Variants in GALNTL6 observed in about 807,000 individuals in gnomAD.
The protein encoded by GALNTL6 is polypeptide N-acetylgalactosaminyltransferase-like 6.
In GALNTL6, 46 loss-of-function variants were observed where a neutral mutation model predicts 73.7. That is an observed-to-expected ratio of 0.62 (90% CI 0.49 to 0.80). GALNTL6 has a LOEUF of 0.80. Among genes scored for constraint, GALNTL6 ranks in the 30% least tolerant of loss-of-function variants. The pLI is 0.00. For synonymous variants in GALNTL6, 259 were observed against 263.7 expected (o/e 0.98, Z 0.17); for missense variants, 604 against 755.0 (o/e 0.80, Z 2.34).
intron 2 of GALNTL6, among the ~76,000 whole-genome samples, chr4:171,992,456 C>T (rs1740368293): frequency 6.6e-6 from 1 of 151,916 alleles, no homozygotes; most frequent in South Asian, 2.1e-4. Flanking sequence ...GGGACCAGTG[C>T]AGAACAGGTA....
intron 5 of GALNTL6, among the ~76,000 whole-genome samples, chr4:172,543,045 TGA>T (rs139178100): frequency 0.11 from 16,456 of 152,066 alleles, 1,009 homozygotes; most frequent in East Asian, 0.25. Context: ...TGCAGTGAGC[TGA>T]GATTGTGCCA....
At chr4:171,840,890 G>A (rs1735224334) in intron 2 of GALNTL6, among the ~76,000 whole-genome samples, 1 of 152,066 alleles carries the variant, frequency 6.6e-6, no homozygotes, top group Admixed American at 6.6e-5. Context: ...ACATGCTTAT[G>A]TAGAAAATTC....
At chr4:172,702,420 G>A (rs1031395942) in intron 5 of GALNTL6, among the ~76,000 whole-genome samples, 3 of 151,634 alleles carry the variant, frequency 2.0e-5, no homozygotes, top group Admixed American at 6.6e-5. Flanking sequence ...CTTCCTTAAT[G>A]CTTAAACTTT....
intron 5 of GALNTL6, among the ~76,000 whole-genome samples, chr4:172,483,863 G>A (rs930174439): frequency 1.3e-4 from 20 of 152,108 alleles, no homozygotes. Context: ...GACTAGAAAG[G>A]TGGATGAAAA....
intron 5 of GALNTL6, among the ~76,000 whole-genome samples, chr4:172,658,158 A>AAAAAAAAAAAG (rs1403908832): frequency 8.3e-6 from 1 of 120,654 alleles, no homozygotes; most frequent in Non-Finnish European, 1.7e-5. Flanking sequence ...TCAAAAAAAA[A>AAAAAAAAAAAG]AAAAAAAAAA....
chr4:172,494,879 C>A (rs1734018256), intron 5 of GALNTL6, among the ~76,000 whole-genome samples: 1 of 152,178 alleles, frequency 6.6e-6, no homozygotes. Context: ...CTGCCTTTCC[C>A]AGTCCACTGA....
chr4:172,265,834 C>T (rs1179150477), intron 3 of GALNTL6, among the ~76,000 whole-genome samples: 1 of 151,320 alleles, frequency 6.6e-6, no homozygotes, highest in Admixed American at 6.6e-5. Context: ...TCTTGTTCTC[C>T]GATAAGAGGA....
In GALNTL6 at chr4:173,030,350, G is replaced by A. The variant is rs117308586; in HGVS notation, c.1638+8725G>A. 1.4e-4 allele frequency among the ~76,000 whole-genome samples: 21 copies of A among 152,144 alleles called. No individual in the cohort carries two copies. In the East Asian group the frequency reaches 4.1e-3, roughly 29 times the overall value. ...GTCTAACCCAGCTGAAATCACTTAG[G>A]TTGTTATGACCTTCTAACTTTTGCC... is the stretch of plus-strand genomic sequence containing the variant. On this transcript the variant is annotated intron_variant, in intron 12 of 12. Coordinates refer to ENST00000506823, the MANE Select transcript of GALNTL6 (RefSeq NM_001034845.3).
At chr4:172,758,632 A>T (rs868582645) in intron 5 of GALNTL6, among the ~76,000 whole-genome samples, 9 of 152,110 alleles carry the variant, frequency 5.9e-5, no homozygotes, top group African/African-American at 1.7e-4. Context: ...TCTTTATCTC[A>T]CTTTTTGTGG....
At chr4:171,842,814 A>G (rs917259648) in intron 2 of GALNTL6, among the ~76,000 whole-genome samples, 1 of 152,084 alleles carries the variant, frequency 6.6e-6, no homozygotes, top group African/African-American at 2.4e-5. Flanking sequence ...ACATCTCAAC[A>G]TGAGATTTGG....
At chr4:172,932,901 T>C (rs1289810652) in intron 9 of GALNTL6, among the ~76,000 whole-genome samples, 1 of 152,214 alleles carries the variant, frequency 6.6e-6, no homozygotes, top group Non-Finnish European at 1.5e-5. Flanking sequence ...CAACCTGTAG[T>C]AATATTCCTG....
chr4:172,231,791 A>G (rs897418577), intron 3 of GALNTL6, among the ~76,000 whole-genome samples: 5 of 152,132 alleles, frequency 3.3e-5, no homozygotes, highest in Non-Finnish European at 4.4e-5. Flanking sequence ...TGGTATGCCT[A>G]TCCTTTGCTT....
chr4:172,722,906 A>G (rs1735569268), intron 5 of GALNTL6, among the ~76,000 whole-genome samples: 1 of 152,188 alleles, frequency 6.6e-6, no homozygotes, highest in Admixed American at 6.5e-5. Flanking sequence ...TTAAAACAGT[A>G]CAATTTTATT....
rs1410634684 is a variant in GALNTL6 at position 172,686,047 on chromosome 4, A to G, written c.554-123314A>G. On this transcript the variant is annotated intron_variant, in intron 5 of 12. Transcript: ENST00000506823. ...TTAGGCACTGGATTAAATATTCAAA[A>G]TAATTAGACCACTATATTTTTTTAA... 2.6e-5 allele frequency among the ~76,000 whole-genome samples: 4 copies of G among 152,224 alleles called. No individual in the cohort carries two copies. The East Asian group carries it at 5.8e-4, about 22-fold the overall frequency.
chr4:172,526,322 T>G (rs1734951569), intron 5 of GALNTL6, among the ~76,000 whole-genome samples: 1 of 152,186 alleles, frequency 6.6e-6, no homozygotes, highest in African/African-American at 2.4e-5. Flanking sequence ...GAGCTTCTTC[T>G]CTATCCTCAC....
intron 5 of GALNTL6, among the ~76,000 whole-genome samples, chr4:172,588,647 T>A (rs939623410): frequency 1.3e-5 from 2 of 152,196 alleles, no homozygotes; most frequent in South Asian, 4.1e-4. Context: ...GACATCTTTG[T>A]AAATGATCTT....
chr4:172,181,084 A>G (rs554021986), intron 2 of GALNTL6, among the ~76,000 whole-genome samples: 2 of 152,276 alleles, frequency 1.3e-5, no homozygotes, highest in South Asian at 4.2e-4. Context: ...GTTTCTTCCT[A>G]TCCATGAGAA....
intron 2 of GALNTL6, among the ~76,000 whole-genome samples, chr4:172,038,220 T>G (rs2110834327): frequency 6.6e-6 from 1 of 152,282 alleles, no homozygotes; most frequent in South Asian, 2.1e-4. Context: ...GAAACACTCT[T>G]TCTCTTGTTT....
chr4:171,901,875 T>C (rs1408989986), intron 2 of GALNTL6, among the ~76,000 whole-genome samples: 7 of 152,096 alleles, frequency 4.6e-5, no homozygotes, highest in Non-Finnish European at 1.0e-4. Context: ...TCTAATATTA[T>C]AGTTAATTTT....
Sources: allele counts gnomAD v4.1 joint callset (sites outside exome capture counted in the v4.1 genomes callset), GRCh38; gene constraint gnomAD v4.1.1; transcripts MANE v1.5; gene names NCBI Gene and HGNC (gene_info 2026-07-23, HGNC 2026-07-21).